EYS: variants seen among roughly 807,000 people sequenced by gnomAD.
EYS encodes EGF-like photoreceptor maintenance factor.
In EYS, 250 loss-of-function variants were observed where a neutral mutation model predicts 282.1. The observed-to-expected ratio is 0.89, with a 90% CI of 0.80 to 0.98. The LOEUF (loss-of-function observed/expected upper bound fraction) is 0.98, where lower values mean the gene tolerates loss of function less well. Ranked by LOEUF, EYS falls within the 50% of genes least tolerant of loss-of-function variation. The pLI, the probability that EYS is intolerant of heterozygous loss-of-function variation, is 0.00. For synonymous variants in EYS, 1,355 were observed against 1,282.9 expected (o/e 1.06, Z -1.20); for missense variants, 4,016 against 3,709.0 (o/e 1.08, Z -2.15).
At chr6:64,490,371 T>A (rs939304187) in intron 26 of EYS, among the ~76,000 whole-genome samples, 1 of 150,936 alleles carries the variant, frequency 6.6e-6, no homozygotes, top group Non-Finnish European at 1.5e-5. Context: ...TCATGGTAGT[T>A]AAAAGATAGA....
intron 13 of EYS, among the ~76,000 whole-genome samples, chr6:65,000,632 G>T (rs1278391583): frequency 1.3e-5 from 2 of 152,040 alleles, no homozygotes; most frequent in Non-Finnish European, 2.9e-5. Context: ...AAAAAAATTA[G>T]CCGGGCTTGG....
intron 28 of EYS, among the ~76,000 whole-genome samples, chr6:64,424,906 G>A (rs1774353131): frequency 6.6e-6 from 1 of 152,144 alleles, no homozygotes; most frequent in South Asian, 2.1e-4. Context: ...AGACAGAACA[G>A]TTAAGGAGGA....
intron 12 of EYS, among the ~76,000 whole-genome samples, chr6:65,129,163 A>T (rs756992229): frequency 1.3e-5 from 2 of 152,058 alleles, no homozygotes; most frequent in African/African-American, 4.8e-5. Context: ...ACAAATATCA[A>T]TTAAAGATGG....
intron 39 of EYS, among the ~76,000 whole-genome samples, chr6:63,785,374 A>G (rs1184303572): frequency 6.6e-6 from 1 of 151,948 alleles, no homozygotes; most frequent in Non-Finnish European, 1.5e-5. Flanking sequence ...CTTCTTCCAT[A>G]TCTTCTTGTC....
chr6:64,436,400 G>A (rs1687805143), intron 27 of EYS, 135 bp from the exon 28 acceptor site: 1 of 577,290 alleles, frequency 1.7e-6, no homozygotes, highest in African/African-American at 1.9e-5. Flanking sequence ...AACTTAAAGA[G>A]AAGTGATAAC....
intron 2 of EYS, among the ~76,000 whole-genome samples, chr6:65,628,355 C>G (rs1242874997): frequency 6.6e-6 from 1 of 152,154 alleles, no homozygotes; most frequent in Non-Finnish European, 1.5e-5. Flanking sequence ...ACGCACCAAT[C>G]AGCACCCTGA....
At chr6:63,908,042 G>A (rs1168622761) in intron 35 of EYS, among the ~76,000 whole-genome samples, 177 of 41,462 alleles carry the variant, frequency 4.3e-3, no homozygotes, top group African/African-American at 0.035. Context: ...ACGTTTGTGT[G>A]TGTGTGTGTG....
chr6:64,924,106 T>G (rs1768437663), intron 15 of EYS, among the ~76,000 whole-genome samples: 1 of 152,116 alleles, frequency 6.6e-6, no homozygotes, highest in Non-Finnish European at 1.5e-5. Flanking sequence ...CTTCAGCAAA[T>G]TTTGCCTGGG....
intron 19 of EYS, among the ~76,000 whole-genome samples, chr6:64,862,744 T>C (rs1766289291): frequency 6.6e-6 from 1 of 152,166 alleles, no homozygotes; most frequent in African/African-American, 2.4e-5. Context: ...TGGCACAGAC[T>C]GAGGTGAATA....
At chr6:63,834,494 C>T (rs961477426) in intron 36 of EYS, among the ~76,000 whole-genome samples, 3 of 151,976 alleles carry the variant, frequency 2.0e-5, no homozygotes, top group African/African-American at 4.8e-5. Flanking sequence ...AAATCAAAAC[C>T]ACAATGAGAT....
intron 18 of EYS, among the ~76,000 whole-genome samples, chr6:64,901,621 G>T (rs1262597892): frequency 6.6e-6 from 1 of 151,980 alleles, no homozygotes; most frequent in African/African-American, 2.4e-5. Context: ...GGACATACTA[G>T]TACTTGTGTA....
At chr6:64,093,453 T>A (rs1772450466) in intron 31 of EYS, among the ~76,000 whole-genome samples, 2 of 152,202 alleles carry the variant, frequency 1.3e-5, no homozygotes, top group African/African-American at 4.8e-5. Context: ...GTAGTTCTCC[T>A]TGAAGAGGTC....
At chr6:65,688,035 C>T (rs1039848365) in intron 1 of EYS, among the ~76,000 whole-genome samples, 6 of 152,116 alleles carry the variant, frequency 3.9e-5, no homozygotes, top group Admixed American at 3.9e-4. Context: ...CCAATGCCTC[C>T]CCATCAATCT....
intron 12 of EYS, among the ~76,000 whole-genome samples, chr6:65,200,009 G>A (rs546907478): frequency 3.3e-5 from 5 of 152,202 alleles, no homozygotes; most frequent in African/African-American, 1.2e-4. Flanking sequence ...ATCTTATTTT[G>A]AATATGATGA....
At chr6:64,320,563 T>C (rs1770177126) in intron 29 of EYS, among the ~76,000 whole-genome samples, 1 of 151,842 alleles carries the variant, frequency 6.6e-6, no homozygotes. Context: ...TAGATTCTTA[T>C]TTTTTAGTTT....
At chr6:65,311,824 T>C (rs1489290301) in intron 11 of EYS, among the ~76,000 whole-genome samples, 2 of 152,180 alleles carry the variant, frequency 1.3e-5, no homozygotes, top group Non-Finnish European at 2.9e-5. Flanking sequence ...GTAGGTAGCA[T>C]TACTAAACTT....
intron 1 of EYS, among the ~76,000 whole-genome samples, chr6:65,653,290 A>G (rs1169058905): frequency 6.6e-6 from 1 of 151,928 alleles, no homozygotes; most frequent in East Asian, 1.9e-4. Context: ...AGAACAAATC[A>G]TTGGTCAAAC....
chr6:64,794,961 G>A (rs141295102), intron 22 of EYS, among the ~76,000 whole-genome samples: 262 of 152,212 alleles, frequency 1.7e-3, no homozygotes, highest in African/African-American at 6.2e-3. Context: ...CCAGCCAGGT[G>A]CAGTGGCTCA....
At position 64,502,221 on chromosome 6, in the gene EYS, G is replaced by T. The variant is rs575880921; in HGVS notation, c.5645-62869C>A. 6.0e-5 allele frequency among the ~76,000 whole-genome samples: 9 copies of T among 150,016 alleles called. No homozygotes were observed. The East Asian group carries it at 9.9e-4, about 16-fold the overall frequency. ...AATGGCAGAACCAGACAGCAGGCTG[G>T]TTTTTTTTTTGTTTTGTTTTGTTTT... On this transcript the variant is annotated intron_variant, in intron 26 of 42. Coordinates refer to ENST00000503581, the MANE Select transcript of EYS (RefSeq NM_001142800.2).
Sources: gnomAD v4.1 joint callset for allele counts (sites outside exome capture counted in the v4.1 genomes callset) on GRCh38, gnomAD v4.1.1 for gene constraint, MANE v1.5 for transcripts, NCBI Gene and HGNC (gene_info 2026-07-23, HGNC 2026-07-21) for gene names.